Variants in MYO1D observed in about 807,000 individuals in gnomAD.
MYO1D encodes myosin ID.
A neutral mutation model predicts 122.0 loss-of-function variants in MYO1D; 83 were observed. The ratio of observed to expected loss-of-function variants is 0.68; its 90% CI spans 0.57 to 0.82. The LOEUF (loss-of-function observed/expected upper bound fraction) is 0.82. MYO1D is among the 40% of genes least tolerant of loss of function. MYO1D has a pLI of 0.00. For missense variants in MYO1D, 1,157 were observed against 1,269.5 expected, an observed-to-expected ratio of 0.91 and a Z score of 1.35; for synonymous variants, 464 against 446.9, an observed-to-expected ratio of 1.04 and a Z score of -0.48.
intron 16 of MYO1D, among the ~76,000 whole-genome samples, chr17:32,677,042 C>T (rs2088821194): frequency 6.6e-6 from 1 of 152,058 alleles, no homozygotes; most frequent in Non-Finnish European, 1.5e-5. Flanking sequence ...GATCTCCTGA[C>T]TTCGTGATCT....
intron 1 of MYO1D, among the ~76,000 whole-genome samples, chr17:32,865,380 T>G (rs1041261127): frequency 6.6e-6 from 1 of 152,002 alleles, no homozygotes; most frequent in African/African-American, 2.4e-5. Flanking sequence ...CATTTTTTTT[T>G]GACAAATTCA....
chr17:32,504,585 GT>G (rs1909431316), intron 21 of MYO1D: 1 of 152,224 alleles, frequency 6.6e-6, no homozygotes. Flanking sequence ...TGCGGGAGCT[GT>G]TTTGGCTTTG....
intron 12 of MYO1D, among the ~76,000 whole-genome samples, chr17:32,746,623 T>A (rs75782470): frequency 0.14 from 21,323 of 152,224 alleles, 1,917 homozygotes; most frequent in Middle Eastern, 0.25. Context: ...TACATATATG[T>A]ATATACGTAT....
chr17:32,781,307 A>AT (rs566382517), intron 1 of MYO1D, among the ~76,000 whole-genome samples: 1 of 152,078 alleles, frequency 6.6e-6, no homozygotes. Flanking sequence ...AATCAAACTT[A>AT]TTTTTTTATG....
chr17:32,659,436 G>A, intron 16 of MYO1D, 98 bp from the exon 17 acceptor site: 1 of 1,262,148 alleles, frequency 7.9e-7, no homozygotes, highest in Non-Finnish European at 1.1e-6. Flanking sequence ...AACTCAACCA[G>A]GCAACTTGCA....
chr17:32,683,220 T>C lies in MYO1D; in HGVS notation c.2122-23882A>G, dbSNP rs1409812355. The stretch of plus-strand genomic sequence containing the variant: ...TGTCCTCCCGTAGCTTAGAGTAATT[T>C]GATCGTCTGAAGCCTTCTTCTCTCA... On this transcript the variant is annotated intron_variant, in intron 16 of 21. Transcript: ENST00000318217. Among the ~76,000 whole-genome samples the C allele has an allele frequency of 2.6e-5, 4 of 151,560 alleles. No individual in the cohort carries two copies. In the East Asian group the frequency reaches 7.8e-4, roughly 29 times the overall value.
At chr17:32,711,386 G>A (rs751650099) in intron 16 of MYO1D, among the ~76,000 whole-genome samples, 4 of 152,176 alleles carry the variant, frequency 2.6e-5, no homozygotes, top group East Asian at 1.9e-4. Context: ...GGTGGCTCAC[G>A]CCTGTAATCC....
chr17:32,589,131 C>T (rs955789652), intron 21 of MYO1D, among the ~76,000 whole-genome samples: 18 of 152,182 alleles, frequency 1.2e-4, no homozygotes, highest in African/African-American at 4.3e-4. Flanking sequence ...AATTGGCCTG[C>T]TTTAGGTCAC....
At chr17:32,621,714 T>C (rs1284202309) in intron 20 of MYO1D, among the ~76,000 whole-genome samples, 1 of 152,140 alleles carries the variant, frequency 6.6e-6, no homozygotes, top group Non-Finnish European at 1.5e-5. Context: ...ACTGAGAATG[T>C]CTGTGACCTC....
intron 16 of MYO1D, among the ~76,000 whole-genome samples, chr17:32,697,309 G>T (rs1310786521): frequency 6.6e-6 from 1 of 152,152 alleles, no homozygotes; most frequent in Non-Finnish European, 1.5e-5. Flanking sequence ...TCACAGTGTT[G>T]TAAATGCTAC....
intron 21 of MYO1D, among the ~76,000 whole-genome samples, chr17:32,580,761 C>T (rs1435787191): frequency 6.6e-6 from 1 of 152,086 alleles, no homozygotes; most frequent in Admixed American, 6.6e-5. Flanking sequence ...ACCTTGCATG[C>T]CTGGGATAAA....
chr17:32,563,204 C>CTTTTTTTTTTTTTTTTTTTTTTTT lies in MYO1D; in HGVS notation c.2864+41882_2864+41883insAAAAAAAAAAAAAAAAAAAAAAAA, dbSNP rs749819200. 6.7e-5 allele frequency among the ~76,000 whole-genome samples: 7 copies of CTTTTTTTTTTTTTTTTTTTTTTTT among 105,134 alleles called. 1 individual carries two copies. Among genetic ancestry groups the CTTTTTTTTTTTTTTTTTTTTTTTT allele is most frequent in the Admixed American group, 1.0e-4 (1 of 9,724 alleles). The allele number at this position is 105,134 out of a possible 152,430, so 69.0% of individuals were successfully genotyped here. On this transcript the variant is annotated intron_variant, in intron 21 of 21. Coordinates refer to ENST00000318217, the MANE Select transcript of MYO1D (RefSeq NM_015194.3). The stretch of plus-strand genomic sequence containing the variant: ...GCAATTACAGCTCTTTTTTTCTTCT[C>CTTTTTTTTTTTTTTTTTTTTTTTT]TCTTTTTTTTTTTTTTTTTTTTTGA...
At chr17:32,600,076 G>A (rs1049678730) in intron 21 of MYO1D, among the ~76,000 whole-genome samples, 8 of 152,188 alleles carry the variant, frequency 5.3e-5, no homozygotes, top group African/African-American at 1.7e-4. Flanking sequence ...GTACATTTCC[G>A]TCAGTGCTCT....
Position 32,755,579 on chromosome 17 carries a change from G to A in MYO1D, c.1380C>T (p.Cys460=). Residue 460 remains cysteine (C), a synonymous_variant, in exon 11 of 22, where the codon TGC becomes TGT. Transcript: ENST00000318217. Reference sequence around the variant, plus strand: ...CATCGGTGACTTTGCCGACATTCATGCAAGCATCATCAAGGATTGCAATGA... The same window carrying A: ...CATCGGTGACTTTGCCGACATTCATACAAGCATCATCAAGGATTGCAATGA... The part of the protein sequence containing the change: ...KGIIAILDDA[C]MNVGKVTDEM... 1.2e-6 allele frequency: 2 copies of A among 1,613,934 alleles called. No homozygotes were observed. The highest frequency in any genetic ancestry group is 1.1e-5 in the South Asian group (1 of 91,072).
chr17:32,679,208 T>C (rs2088869828), intron 16 of MYO1D, among the ~76,000 whole-genome samples: 1 of 150,292 alleles, frequency 6.7e-6, no homozygotes, highest in South Asian at 2.1e-4. Context: ...ATTTTGTAGG[T>C]TGCCTGTTCA....
At chr17:32,536,860 A>T (rs985876763) in intron 21 of MYO1D, among the ~76,000 whole-genome samples, 6 of 152,194 alleles carry the variant, frequency 3.9e-5, no homozygotes, top group African/African-American at 1.4e-4. Context: ...TTAGGAAAAA[A>T]GTTCCATGAA....
intron 13 of MYO1D, among the ~76,000 whole-genome samples, chr17:32,742,502 A>C (rs1455009454): frequency 6.6e-6 from 1 of 152,210 alleles, no homozygotes; most frequent in Non-Finnish European, 1.5e-5. Flanking sequence ...AACAAACATC[A>C]CCTCGTGCAG....
At chr17:32,626,815 T>G (rs2150930142) in intron 20 of MYO1D, among the ~76,000 whole-genome samples, 1 of 152,306 alleles carries the variant, frequency 6.6e-6, no homozygotes, top group East Asian at 1.9e-4. Context: ...AGAGAGAGAA[T>G]GTGGCTTAGT....
At chr17:32,522,803 T>TAGTGTCTTA in intron 21 of MYO1D, among the ~76,000 whole-genome samples, 1 of 147,176 alleles carries the variant, frequency 6.8e-6, no homozygotes, top group East Asian at 2.0e-4. Context: ...TCCTCAGTCT[T>TAGTGTCTTA]AGTGTCCCCC....
Sources: gnomAD v4.1 joint callset for allele counts (sites outside exome capture counted in the v4.1 genomes callset) on GRCh38, gnomAD v4.1.1 for gene constraint, MANE v1.5 for transcripts, NCBI Gene and HGNC (gene_info 2026-07-23, HGNC 2026-07-21) for gene names.